Variants in LRRTM4 observed in about 807,000 individuals in gnomAD.
LRRTM4 encodes the protein leucine rich repeat transmembrane neuronal 4, also known as leucine-rich repeat transmembrane neuronal protein 4.
In LRRTM4, 25 loss-of-function variants were observed where a neutral mutation model predicts 47.6. The observed-to-expected ratio is 0.53, with a 90% confidence interval of 0.38 to 0.73. The LOEUF is 0.73. Ranked by LOEUF, LRRTM4 falls within the 30% of genes least tolerant of loss-of-function variation. LRRTM4 has a pLI of 0.00. For missense variants in LRRTM4, 638 were observed against 713.4 expected, an observed-to-expected ratio of 0.89 and a Z score of 1.20; for synonymous variants, 311 against 269.5, an observed-to-expected ratio of 1.15 and a Z score of -1.51.
chr2:77,162,444 G>A (rs1290906746), intron 3 of LRRTM4, among the ~76,000 whole-genome samples: 1 of 152,242 alleles, frequency 6.6e-6, no homozygotes, highest in East Asian at 1.9e-4. Flanking sequence ...AGATTTAAAC[G>A]TCCCTGTCTG....
At chr2:77,267,100 T>C (rs1311269049) in intron 3 of LRRTM4, among the ~76,000 whole-genome samples, 1 of 152,128 alleles carries the variant, frequency 6.6e-6, no homozygotes, top group Non-Finnish European at 1.5e-5. Context: ...AATTTTCCAA[T>C]AAGCTTTTTA....
chr2:77,318,438 C>T (rs1677684715), intron 3 of LRRTM4, among the ~76,000 whole-genome samples: 1 of 152,158 alleles, frequency 6.6e-6, no homozygotes, highest in Admixed American at 6.5e-5. Context: ...TTATGGACTT[C>T]ACAACACCTT....
chr2:77,289,090 C>T (rs1416793154), intron 3 of LRRTM4, among the ~76,000 whole-genome samples: 1 of 152,030 alleles, frequency 6.6e-6, no homozygotes, highest in African/African-American at 2.4e-5. Context: ...ATATGTATAG[C>T]TGTATCCTTT....
At chr2:77,436,572 A>G (rs1675607791) in intron 3 of LRRTM4, among the ~76,000 whole-genome samples, 2 of 152,110 alleles carry the variant, frequency 1.3e-5, no homozygotes, top group Non-Finnish European at 2.9e-5. Context: ...TATAGAATCC[A>G]TTACCATCAG....
chr2:77,252,956 C>T (rs1007286969), intron 3 of LRRTM4, among the ~76,000 whole-genome samples: 2 of 152,052 alleles, frequency 1.3e-5, no homozygotes, highest in South Asian at 4.1e-4. Flanking sequence ...TTGTTCCATC[C>T]CTGGCTTTTA....
At chr2:76,849,459 T>C (rs1007829119) in intron 3 of LRRTM4, among the ~76,000 whole-genome samples, 7 of 152,242 alleles carry the variant, frequency 4.6e-5, no homozygotes, top group Admixed American at 1.3e-4. Context: ...GGGAAAATTA[T>C]ATAAAATATA....
chr2:77,500,041 T>G (rs564642783), intron 3 of LRRTM4, among the ~76,000 whole-genome samples: 1 of 151,904 alleles, frequency 6.6e-6, no homozygotes, highest in East Asian at 1.9e-4. Context: ...TGTCTAAGTC[T>G]GCTTCCCCAG....
rs147679438 is a variant in LRRTM4, at chr2:77,270,689, AG to A, written c.1551+247628del. On this transcript the variant is annotated intron_variant, in intron 3 of 3. Transcript: ENST00000409884. ...GAGGCAGCCAAATGACTAGGCAGAT[AG>A]GGGCATGTCTCTGGTAAATTCCCAT... Among the ~76,000 whole-genome samples, 1,089 of 152,314 alleles carry A rather than the reference AG, an allele frequency of 7.1e-3. 11 individuals carry two copies. The highest frequency in any genetic ancestry group is 0.025 in the African/African-American group (1,042 of 41,580).
At chr2:77,452,708 C>T (rs1435408055) in intron 3 of LRRTM4, among the ~76,000 whole-genome samples, 2 of 152,080 alleles carry the variant, frequency 1.3e-5, no homozygotes, top group Admixed American at 6.6e-5. Context: ...TTTTGCACGG[C>T]GCCCTGCAAA....
chr2:77,476,410 A>G (rs1677389870), intron 3 of LRRTM4, among the ~76,000 whole-genome samples: 2 of 152,112 alleles, frequency 1.3e-5, no homozygotes, highest in South Asian at 4.1e-4. Flanking sequence ...TACAGGTCAA[A>G]TCATCTGACT....
intron 3 of LRRTM4, among the ~76,000 whole-genome samples, chr2:77,294,392 T>A (rs943629321): frequency 6.6e-5 from 10 of 152,126 alleles, no homozygotes; most frequent in Non-Finnish European, 1.5e-5. Context: ...TATTTAGATA[T>A]AGTAAGAATG....
At chr2:77,011,571 G>A (rs1054877597) in intron 3 of LRRTM4, among the ~76,000 whole-genome samples, 1 of 130,528 alleles carries the variant, frequency 7.7e-6, no homozygotes, top group Non-Finnish European at 1.6e-5. Flanking sequence ...GTGTGTGTGT[G>A]TGTGTGTAGA....
intron 3 of LRRTM4, among the ~76,000 whole-genome samples, chr2:77,201,587 T>G (rs913793353): frequency 1.4e-4 from 22 of 152,100 alleles, no homozygotes; most frequent in African/African-American, 4.6e-4. Context: ...AAAGAAGAGA[T>G]AGTTTTTCAA....
intron 3 of LRRTM4, among the ~76,000 whole-genome samples, chr2:76,822,709 G>T (rs757951565): frequency 2.6e-5 from 4 of 151,374 alleles, no homozygotes; most frequent in Non-Finnish European, 5.9e-5. Context: ...ATATAAATAA[G>T]ATCAAGCCAC....
chr2:77,170,418 A>G (rs192382620), intron 3 of LRRTM4, among the ~76,000 whole-genome samples: 1,564 of 152,268 alleles, frequency 0.01, 12 homozygotes, highest in Non-Finnish European at 0.016. Flanking sequence ...CAGTAACACC[A>G]ATGATCACGA....
At position 76,867,246 on chromosome 2, in the gene LRRTM4, ATAAAG is replaced by A. The variant is rs1672494355; in HGVS notation, c.1552-118335_1552-118331del. Among the ~76,000 whole-genome samples, 6 of 152,292 alleles carry A rather than the reference ATAAAG, an allele frequency of 3.9e-5. No homozygotes were observed. In the South Asian group the frequency reaches 1.2e-3, roughly 32 times the overall value. On this transcript the variant is annotated intron_variant, in intron 3 of 3. Transcript: ENST00000409884. ...ACTTAAAGTAAAATAAAATAAGATA[ATAAAG>A]TAAATTAAATTTTAAAAGAAGCATT... is the stretch of plus-strand genomic sequence containing the variant.
At chr2:77,205,256 G>C (rs993428805) in intron 3 of LRRTM4, among the ~76,000 whole-genome samples, 2 of 152,136 alleles carry the variant, frequency 1.3e-5, no homozygotes, top group African/African-American at 2.4e-5. Context: ...GGAGATTATA[G>C]TCAAGGGAGA....
chr2:77,349,112 GAAAAT>G (rs1453896822), intron 3 of LRRTM4, among the ~76,000 whole-genome samples: 5 of 151,532 alleles, frequency 3.3e-5, no homozygotes, highest in African/African-American at 1.2e-4. Context: ...AATGCAATAA[GAAAAT>G]AAAATAACAT....
chr2:77,233,966 T>G (rs1237014730), intron 3 of LRRTM4, among the ~76,000 whole-genome samples: 1 of 151,976 alleles, frequency 6.6e-6, no homozygotes, highest in African/African-American at 2.4e-5. Flanking sequence ...TCCCGCAAAT[T>G]TTTGCATTTT....
Sources: gnomAD v4.1 joint callset for allele counts (sites outside exome capture counted in the v4.1 genomes callset) on GRCh38, gnomAD v4.1.1 for gene constraint, MANE v1.5 for transcripts, NCBI Gene and HGNC (gene_info 2026-07-23, HGNC 2026-07-21) for gene names.